The following GXYLT2 variants were observed in gnomAD, a reference collection of about 807,000 sequenced individuals.
The protein encoded by GXYLT2 is glycosyltransferase 8 domain containing 4.
GXYLT2 carries 53 observed loss-of-function variants against 45.8 expected under a neutral mutation model. The ratio of observed to expected loss-of-function variants is 1.16; its 90% CI spans 0.93 to 1.46. GXYLT2 has a LOEUF of 1.46. Ranked by LOEUF, GXYLT2 falls within the 40% of genes most tolerant of loss-of-function variation. The probability of loss-of-function intolerance (pLI) is 0.00; values close to 1 mark genes in which losing one functional copy is unlikely to be tolerated. For missense variants in GXYLT2, 551 were observed against 544.4 expected, an observed-to-expected ratio of 1.01 and a Z score of -0.12; for synonymous variants, 219 against 214.2, an observed-to-expected ratio of 1.02 and a Z score of -0.19.
intron 1 of GXYLT2, among the ~76,000 whole-genome samples, chr3:72,897,019 GTAA>G (rs777096697): frequency 1.6e-4 from 24 of 152,138 alleles, no homozygotes; most frequent in Non-Finnish European, 2.9e-4. Context: ...CATGTTAATA[GTAA>G]TAATGATGAT....
intron 3 of GXYLT2, among the ~76,000 whole-genome samples, chr3:72,925,674 C>T (rs962902247): frequency 1.3e-5 from 2 of 152,112 alleles, no homozygotes; most frequent in African/African-American, 4.8e-5. Flanking sequence ...AAATGGTCTT[C>T]CCATTCTATC....
chr3:72,914,981 C>T (rs1348183204), intron 2 of GXYLT2, among the ~76,000 whole-genome samples: 4 of 151,930 alleles, frequency 2.6e-5, no homozygotes, highest in Admixed American at 1.3e-4. Flanking sequence ...AGTTTGAGCC[C>T]GTCTCTACTA....
At position 72,915,338 on chromosome 3, in the gene GXYLT2, C is replaced by CTTT. The variant is rs34611815; in HGVS notation, c.468+6793_468+6795dup. Among the ~76,000 whole-genome samples the CTTT allele has an allele frequency of 1.2e-3, 60 of 48,748 alleles. 9 individuals carry two copies. The highest frequency in any genetic ancestry group is 4.8e-3 in the African/African-American group (53 of 10,996). 32.0% of individuals were successfully genotyped at this position (48,748 alleles called of 152,430 possible). ...ACCATGCCTCTTCGTTACCCATTTC[C>CTTT]TTTTTTTTTTTTTTTTGCGGGGGGG... On this transcript the variant is annotated intron_variant, in intron 2 of 6. Transcript: ENST00000389617.
intron 2 of GXYLT2, among the ~76,000 whole-genome samples, chr3:72,911,130 A>G (rs1437325561): frequency 6.6e-6 from 1 of 152,086 alleles, no homozygotes; most frequent in East Asian, 1.9e-4. Context: ...TGTCTCTACT[A>G]AAAATACAAA....
chr3:72,954,191 CCCCCT>C (rs977137761), intron 3 of GXYLT2, among the ~76,000 whole-genome samples: 4 of 152,084 alleles, frequency 2.6e-5, no homozygotes, highest in Non-Finnish European at 5.9e-5. Flanking sequence ...GGAACCTCCG[CCCCCT>C]CCCCGGGTTC....
chr3:72,890,288 G>GT (rs1414878053), intron 1 of GXYLT2, among the ~76,000 whole-genome samples: 1 of 152,250 alleles, frequency 6.6e-6, no homozygotes, highest in African/African-American at 2.4e-5. Flanking sequence ...CTGGGAACTT[G>GT]TTAGAAATGC....
intron 5 of GXYLT2, among the ~76,000 whole-genome samples, chr3:72,958,557 A>T (rs1008453491): frequency 1.3e-5 from 2 of 151,896 alleles, no homozygotes; most frequent in African/African-American, 4.8e-5. Flanking sequence ...AGGTTGATAC[A>T]GAGTTTCTTG....
intron 2 of GXYLT2, among the ~76,000 whole-genome samples, chr3:72,916,325 A>C (rs1001355797): frequency 6.6e-6 from 1 of 151,560 alleles, no homozygotes; most frequent in African/African-American, 2.4e-5. Context: ...AAAAAAAAAA[A>C]AGAAAAGAAA....
intron 3 of GXYLT2, among the ~76,000 whole-genome samples, chr3:72,922,895 G>T (rs1369460573): frequency 6.6e-6 from 1 of 152,164 alleles, no homozygotes; most frequent in Non-Finnish European, 1.5e-5. Flanking sequence ...AAGGCAGGCG[G>T]ATCACTTGAG....
chr3:72,888,546 CG>C, intron 1 of GXYLT2, 38 bp downstream of exon 1: 2 of 1,176,658 alleles, frequency 1.7e-6, no homozygotes, highest in Non-Finnish European at 2.1e-6. Flanking sequence ...TCTGCGGACC[CG>C]TGTCTCGCTC....
chr3:72,945,897 G>C (rs1710393270), intron 3 of GXYLT2, among the ~76,000 whole-genome samples: 1 of 152,114 alleles, frequency 6.6e-6, no homozygotes, highest in Non-Finnish European at 1.5e-5. Flanking sequence ...TAGTACTTTA[G>C]GCAATGATCA....
intron 3 of GXYLT2, among the ~76,000 whole-genome samples, chr3:72,937,203 C>CT (rs973377016): frequency 5.3e-5 from 8 of 151,736 alleles, no homozygotes; most frequent in South Asian, 2.1e-4. Flanking sequence ...TTATTATCAG[C>CT]TTTTTTTTAA....
At chr3:72,961,122 TG>T (rs893085963) in intron 5 of GXYLT2, among the ~76,000 whole-genome samples, 2 of 152,116 alleles carry the variant, frequency 1.3e-5, no homozygotes, top group Non-Finnish European at 2.9e-5. Context: ...CTGAAACGCG[TG>T]GGGGCTTTCA....
intron 1 of GXYLT2, among the ~76,000 whole-genome samples, chr3:72,904,644 TAA>T (rs553494288): frequency 5.1e-5 from 7 of 137,404 alleles, no homozygotes; most frequent in East Asian, 2.1e-4. Context: ...TTTTTTTAAT[TAA>T]AAAAAAAAAA....
In GXYLT2 at chr3:72,957,251, T is replaced by C. The variant is rs1173849608; in HGVS notation, c.875T>C (p.Leu292Pro). ...CAGAACAGCATGATTCCAACAGGCCTGGCTTGGGAGGACATGTTGTACCCT... is the reference window on the plus strand; with the variant it reads ...CAGAACAGCATGATTCCAACAGGCCCGGCTTGGGAGGACATGTTGTACCCT... ...QFKNSMIPTGLAWEDMLYPLY... is the reference protein window; with the variant it reads ...QFKNSMIPTGPAWEDMLYPLY... The change falls in exon 5 of 7, where the codon CTG becomes CCG. Residue 292 changes from leucine to proline, a missense_variant. Transcript: ENST00000389617. The C allele has an allele frequency of 1.2e-6, 2 of 1,613,354 alleles. No homozygotes were observed. Among genetic ancestry groups the C allele is most frequent in the South Asian group, 2.2e-5 (2 of 90,972 alleles).
chr3:72,959,570 A>G (rs946356370), intron 5 of GXYLT2, among the ~76,000 whole-genome samples: 3 of 151,934 alleles, frequency 2.0e-5, no homozygotes, highest in African/African-American at 7.2e-5. Context: ...CTCTTAGTTC[A>G]TGCCTTAATC....
At chr3:72,921,726 G>T (rs978869483) in intron 2 of GXYLT2, among the ~76,000 whole-genome samples, 12 of 152,120 alleles carry the variant, frequency 7.9e-5, no homozygotes, top group African/African-American at 2.9e-4. Flanking sequence ...ACCATCCCTG[G>T]TCCCTCTAAC....
At position 72,955,082 on chromosome 3, in the gene GXYLT2, C is replaced by T; in HGVS notation, c.601-16C>T. 1 of 1,611,952 alleles carries T rather than the reference C, an allele frequency of 6.2e-7. No homozygotes were observed. The highest frequency in any genetic ancestry group is 1.1e-5 in the South Asian group (1 of 91,012). On this transcript the variant is annotated splice_polypyrimidine_tract_variant and intron_variant, in intron 3 of 6. Coordinates refer to ENST00000389617, the MANE Select transcript of GXYLT2 (RefSeq NM_001080393.2). Reference sequence around the variant, plus strand: ...TTCCCTCCTCTCCCCTTTACACCCACTCCTTACACACAAAGGTGATTTTAA... The same window carrying T: ...TTCCCTCCTCTCCCCTTTACACCCATTCCTTACACACAAAGGTGATTTTAA...
intron 5 of GXYLT2, among the ~76,000 whole-genome samples, chr3:72,966,903 G>A (rs1358172461): frequency 5.3e-5 from 8 of 151,184 alleles, no homozygotes; most frequent in African/African-American, 1.9e-4. Flanking sequence ...GGGATTACAG[G>A]CGTGAGCCAC....
Sources: gnomAD v4.1 joint callset for allele counts (sites outside exome capture counted in the v4.1 genomes callset) on GRCh38, gnomAD v4.1.1 for gene constraint, MANE v1.5 for transcripts, NCBI Gene and HGNC (gene_info 2026-07-23, HGNC 2026-07-21) for gene names.